Variants in ST6GALNAC3 observed in about 807,000 individuals in gnomAD.
ST6GALNAC3 encodes the protein alpha-N-acetylgalactosaminide alpha-2,6-sialyltransferase 3.
Under a neutral mutation model 32.7 loss-of-function variants are expected in ST6GALNAC3, and 25 were observed. The ratio of observed to expected loss-of-function variants is 0.76; its 90% CI spans 0.56 to 1.07. ST6GALNAC3 has a LOEUF of 1.07. ST6GALNAC3 is among the 50% of genes least tolerant of loss of function. The pLI, the probability that ST6GALNAC3 is intolerant of heterozygous loss-of-function variation, is 0.00. For synonymous variants in ST6GALNAC3, 129 were observed against 133.1 expected, an observed-to-expected ratio of 0.97 and a Z score of 0.21; for missense variants, 355 against 382.4, an observed-to-expected ratio of 0.93 and a Z score of 0.60.
Position 76,273,007 on chromosome 1 carries a change from G to A in ST6GALNAC3, c.19-40798G>A, listed in dbSNP as rs569616440. Among the ~76,000 whole-genome samples the A allele has an allele frequency of 6.6e-5, 10 of 152,230 alleles. No individual in the cohort carries two copies. The East Asian group carries it at 1.9e-3, about 29-fold the overall frequency. On this transcript the variant is annotated intron_variant, in intron 1 of 4. Transcript: ENST00000328299. ...ACCACTGAAAACACTGTTCAAAGGG[G>A]TCATTCATAGTCGTGCATTTATAAA...
At chr1:76,127,885 G>T (rs1406130713) in intron 1 of ST6GALNAC3, among the ~76,000 whole-genome samples, 1 of 152,118 alleles carries the variant, frequency 6.6e-6, no homozygotes, top group Non-Finnish European at 1.5e-5. Context: ...AATAGCATCT[G>T]CAGTCTTTAC....
intron 3 of ST6GALNAC3, among the ~76,000 whole-genome samples, chr1:76,549,064 T>C (rs1049348840): frequency 6.6e-6 from 1 of 152,202 alleles, no homozygotes; most frequent in Non-Finnish European, 1.5e-5. Context: ...ATTCTGGTTA[T>C]CAAAATTTGA....
chr1:76,285,904 AC>A (rs1278459706), intron 1 of ST6GALNAC3, among the ~76,000 whole-genome samples: 1 of 151,328 alleles, frequency 6.6e-6, no homozygotes, highest in Non-Finnish European at 1.5e-5. Context: ...GCAGACACAC[AC>A]CCCCGCGCCC....
At chr1:76,442,881 G>A (rs1227418987) in intron 3 of ST6GALNAC3, among the ~76,000 whole-genome samples, 2 of 152,178 alleles carry the variant, frequency 1.3e-5, no homozygotes, top group African/African-American at 2.4e-5. Context: ...GACTCCTGCT[G>A]GATACAGCCC....
intron 1 of ST6GALNAC3, among the ~76,000 whole-genome samples, chr1:76,117,839 T>A (rs1648587228): frequency 6.6e-6 from 1 of 152,210 alleles, no homozygotes; most frequent in Non-Finnish European, 1.5e-5. Context: ...GCTGTCTACA[T>A]GCTAGATGAC....
intron 1 of ST6GALNAC3, among the ~76,000 whole-genome samples, chr1:76,114,640 G>A (rs902205014): frequency 2.0e-5 from 3 of 152,312 alleles, no homozygotes; most frequent in Middle Eastern, 3.4e-3. Flanking sequence ...GTTGAGGGAT[G>A]TATATAAATG....
intron 1 of ST6GALNAC3, among the ~76,000 whole-genome samples, chr1:76,266,258 T>C (rs1347115945): frequency 6.6e-6 from 1 of 152,160 alleles, no homozygotes; most frequent in Admixed American, 6.5e-5. Flanking sequence ...GAGTAACTCC[T>C]TTTCCTGGGA....
At chr1:76,208,616 A>G (rs561729879) in intron 1 of ST6GALNAC3, among the ~76,000 whole-genome samples, 16 of 152,192 alleles carry the variant, frequency 1.1e-4, no homozygotes, top group Non-Finnish European at 1.8e-4. Flanking sequence ...ATCACACCTC[A>G]AAAGGTTGGA....
At chr1:76,309,953 G>T (rs1313492396) in intron 1 of ST6GALNAC3, 4 of 489,352 alleles carry the variant, frequency 8.2e-6, no homozygotes, top group South Asian at 3.0e-5. Context: ...TCTCAAAATG[G>T]TTGACTTATT....
intron 1 of ST6GALNAC3, among the ~76,000 whole-genome samples, chr1:76,119,254 G>A (rs1012936467): frequency 6.6e-6 from 1 of 152,162 alleles, no homozygotes; most frequent in Non-Finnish European, 1.5e-5. Context: ...TCTAAACACT[G>A]GATACATCAA....
At chr1:76,464,271 A>G (rs932662182) in intron 3 of ST6GALNAC3, among the ~76,000 whole-genome samples, 4 of 152,150 alleles carry the variant, frequency 2.6e-5, no homozygotes, top group African/African-American at 9.7e-5. Context: ...CCAGGAAGCC[A>G]TCTTATTAAT....
At chr1:76,385,292 T>G (rs1370026897) in intron 2 of ST6GALNAC3, among the ~76,000 whole-genome samples, 1 of 152,102 alleles carries the variant, frequency 6.6e-6, no homozygotes, top group East Asian at 1.9e-4. Flanking sequence ...TAAACTCTAT[T>G]AACATTCTTA....
At chr1:76,201,139 T>A (rs1332652513) in intron 1 of ST6GALNAC3, among the ~76,000 whole-genome samples, 2 of 152,144 alleles carry the variant, frequency 1.3e-5, no homozygotes, top group African/African-American at 4.8e-5. Context: ...AGTTAATCAT[T>A]GAGTTGTGTA....
chr1:76,562,886 T>G (rs912290448), intron 3 of ST6GALNAC3, among the ~76,000 whole-genome samples: 1 of 152,142 alleles, frequency 6.6e-6, no homozygotes, highest in African/African-American at 2.4e-5. Flanking sequence ...GACCAAGCCC[T>G]CATGTGGTGT....
chr1:76,282,068 T>G (rs1659527314), intron 1 of ST6GALNAC3, among the ~76,000 whole-genome samples: 1 of 152,132 alleles, frequency 6.6e-6, no homozygotes, highest in Non-Finnish European at 1.5e-5. Flanking sequence ...CTAAAATGAT[T>G]AGAAACAGTC....
intron 2 of ST6GALNAC3, among the ~76,000 whole-genome samples, chr1:76,340,183 G>A (rs1557802271): frequency 6.6e-6 from 1 of 152,182 alleles, no homozygotes; most frequent in Non-Finnish European, 1.5e-5. Flanking sequence ...GTGCATTTTG[G>A]GGGCTGCCAA....
chr1:76,333,854 CAT>C (rs1647269523), intron 2 of ST6GALNAC3, among the ~76,000 whole-genome samples: 1 of 152,102 alleles, frequency 6.6e-6, no homozygotes, highest in African/African-American at 2.4e-5. Context: ...TATATGGACT[CAT>C]TTGTTTCTCA....
rs55892265 is a variant in ST6GALNAC3 at position 76,494,550 on chromosome 1, AACACACAC to A, written c.623+82160_623+82167del. 7.8e-4 allele frequency among the ~76,000 whole-genome samples: 50 copies of A among 63,834 alleles called. 1 individual carries two copies. The highest frequency in any genetic ancestry group is 1.1e-3 in the East Asian group (2 of 1,902). The allele number at this position is 63,834 out of a possible 152,430, so 41.9% of individuals were successfully genotyped here. A position where few individuals can be genotyped will look rare whatever the true frequency, so the allele number is the denominator to read the frequency against. On this transcript the variant is annotated intron_variant, in intron 3 of 4. Coordinates refer to ENST00000328299, the MANE Select transcript of ST6GALNAC3 (RefSeq NM_152996.4). ...CATGAAAATATATTTCATGTGTATA[AACACACAC>A]ACACACACACACACACACACACACA... is the stretch of plus-strand genomic sequence containing the variant.
chr1:76,341,665 CTTT>C lies in ST6GALNAC3; in HGVS notation c.213+27667_213+27669del, dbSNP rs1557803849. Among the ~76,000 whole-genome samples, 238 of 144,632 alleles carry C rather than the reference CTTT, an allele frequency of 1.6e-3. 2 individuals carry two copies. The highest frequency in any genetic ancestry group is 6.9e-3 in the Middle Eastern group (2 of 288). The allele number at this position is 144,632 out of a possible 152,430, so 94.9% of individuals were successfully genotyped here. A position where few individuals can be genotyped will look rare whatever the true frequency, so the allele number is the denominator to read the frequency against. On this transcript the variant is annotated intron_variant, in intron 2 of 4. Transcript: ENST00000328299. ...TCTTTCTTTCTTTCTTTCTTTCTTT[CTTT>C]CTTTCTTTCTTTCCTTCTTTCTTTC...
Sources: gnomAD v4.1 joint callset for allele counts (sites outside exome capture counted in the v4.1 genomes callset) on GRCh38, gnomAD v4.1.1 for gene constraint, MANE v1.5 for transcripts, NCBI Gene and HGNC (gene_info 2026-07-23, HGNC 2026-07-21) for gene names.